MAGI1: variants seen among roughly 807,000 people sequenced by gnomAD.
The protein encoded by MAGI1 is membrane-associated guanylate kinase, WW and PDZ domain-containing protein 1.
MAGI1 carries 58 observed loss-of-function variants against 139.9 expected under a neutral mutation model. That is an observed-to-expected ratio of 0.41 (90% confidence interval 0.34 to 0.52). The LOEUF is 0.52. Among genes scored for constraint, MAGI1 ranks in the 20% least tolerant of loss-of-function variants. MAGI1 has a pLI of 0.12. For synonymous variants in MAGI1, 812 were observed against 737.9 expected (o/e 1.10, Z -1.63); for missense variants, 1,874 against 1,901.6 (o/e 0.99, Z 0.27).
chr3:65,365,230 G>T (rs1575605036), intron 18 of MAGI1: 1 of 606,404 alleles, frequency 1.6e-6, no homozygotes, highest in South Asian at 1.4e-5. Flanking sequence ...TCTAGCCAAG[G>T]TATATGTTTC....
At chr3:65,844,100 G>A in intron 1 of MAGI1, 1 of 510,134 alleles carries the variant, frequency 2.0e-6, no homozygotes, top group East Asian at 5.4e-5. Context: ...TGGTAGGTGT[G>A]TCTGGGCCAA....
At chr3:65,636,703 T>C (rs898048548) in intron 1 of MAGI1, among the ~76,000 whole-genome samples, 3 of 148,468 alleles carry the variant, frequency 2.0e-5, no homozygotes, top group South Asian at 2.1e-4. Context: ...GGAAAACACA[T>C]ACACACACAC....
rs369723754 is a variant in MAGI1, at chr3:65,965,023, G to T, written c.313+72973C>A. 1.6e-4 allele frequency among the ~76,000 whole-genome samples: 24 copies of T among 152,298 alleles called. No homozygotes were observed. The East Asian group carries it at 3.1e-3, about 20-fold the overall frequency. ...CAAGCACATTCGCCAAAGCCCCAAG[G>T]CATAATTAGCCTTGCTCTAAAACTT... is the stretch of plus-strand genomic sequence containing the variant. On this transcript the variant is annotated intron_variant, in intron 1 of 22. Coordinates refer to ENST00000402939, the MANE Select transcript of MAGI1 (RefSeq NM_001033057.2).
intron 1 of MAGI1, among the ~76,000 whole-genome samples, chr3:65,916,376 A>T (rs910725164): frequency 1.1e-4 from 16 of 152,272 alleles, no homozygotes; most frequent in African/African-American, 3.8e-4. Context: ...CCAAGACTGG[A>T]TAATTTATAA....
At chr3:65,891,117 G>A (rs2108572148) in intron 1 of MAGI1, among the ~76,000 whole-genome samples, 1 of 151,994 alleles carries the variant, frequency 6.6e-6, no homozygotes, top group African/African-American at 2.4e-5. Flanking sequence ...GGAGGCTGAG[G>A]TGGGAGGATA....
At chr3:66,037,880 C>T in intron 1 of MAGI1, 116 bp downstream of exon 1, 3 of 1,484,106 alleles carry the variant, frequency 2.0e-6, no homozygotes, top group Non-Finnish European at 2.7e-6. Flanking sequence ...GGGCGCACGG[C>T]CTCAACTTCT....
At chr3:65,794,574 T>C (rs1453373832) in intron 1 of MAGI1, among the ~76,000 whole-genome samples, 1 of 152,034 alleles carries the variant, frequency 6.6e-6, no homozygotes, top group Non-Finnish European at 1.5e-5. Flanking sequence ...CTGGTGTCAA[T>C]GGTGAACCTT....
chr3:65,938,396 CT>C (rs1191406486), intron 1 of MAGI1, among the ~76,000 whole-genome samples: 2 of 149,834 alleles, frequency 1.3e-5, no homozygotes, highest in African/African-American at 2.4e-5. Context: ...AAATAAAGGT[CT>C]TTAAGGACCT....
At chr3:65,548,385 G>A (rs986470775) in intron 2 of MAGI1, among the ~76,000 whole-genome samples, 2 of 152,054 alleles carry the variant, frequency 1.3e-5, no homozygotes, top group Non-Finnish European at 2.9e-5. Flanking sequence ...CCTGCACTGG[G>A]GACCACCAGA....
At chr3:65,749,520 G>A (rs548836470) in intron 1 of MAGI1, among the ~76,000 whole-genome samples, 1 of 152,140 alleles carries the variant, frequency 6.6e-6, no homozygotes, top group East Asian at 1.9e-4. Context: ...GGGACTCAAG[G>A]GGAAAGGATG....
At chr3:65,621,932 C>CAA in intron 2 of MAGI1, 40 bp downstream of exon 2, 1 of 1,423,248 alleles carries the variant, frequency 7.0e-7, no homozygotes, top group Non-Finnish European at 9.9e-7. Context: ...CACACACACA[C>CAA]ACACACACAG....
intron 1 of MAGI1, among the ~76,000 whole-genome samples, chr3:65,891,885 AATATATATATATATAT>A (rs55826911): frequency 0.016 from 583 of 37,534 alleles, 16 homozygotes; most frequent in East Asian, 0.025. Flanking sequence ...CTTAAAGTAT[AATATATATATATATAT>A]ATATATATAT....
intron 2 of MAGI1, among the ~76,000 whole-genome samples, chr3:65,567,906 G>A (rs1442067575): frequency 1.3e-5 from 2 of 152,056 alleles, no homozygotes; most frequent in Admixed American, 6.6e-5. Flanking sequence ...TATCCCACTG[G>A]CATGTTATGT....
At chr3:66,011,994 T>G (rs1165515281) in intron 1 of MAGI1, among the ~76,000 whole-genome samples, 9 of 152,168 alleles carry the variant, frequency 5.9e-5, no homozygotes, top group Non-Finnish European at 1.2e-4. Flanking sequence ...ACCCAACAGA[T>G]GTCCAATACT....
chr3:65,783,159 T>TAAA (rs56958950), intron 1 of MAGI1, among the ~76,000 whole-genome samples: 6 of 150,220 alleles, frequency 4.0e-5, no homozygotes, highest in Non-Finnish European at 8.9e-5. Flanking sequence ...CAGAATGTAT[T>TAAA]AAAAAAAAAC....
At chr3:65,620,972 A>G (rs2083636233) in intron 2 of MAGI1, among the ~76,000 whole-genome samples, 1 of 152,122 alleles carries the variant, frequency 6.6e-6, no homozygotes. Context: ...GAATTAGCTA[A>G]TGTTTATCAG....
chr3:65,888,050 T>C lies in MAGI1; in HGVS notation c.313+149946A>G, dbSNP rs985523082. Among the ~76,000 whole-genome samples the C allele has an allele frequency of 4.6e-5, 7 of 152,324 alleles. 2 individuals carry two copies. The highest frequency in any genetic ancestry group is 1.3e-4 in the Admixed American group (2 of 15,296). ...GAACCTATCACCAAACTAAGATTTT[T>C]TGAGATCAGCAAAACCCAATCTTTA... On this transcript the variant is annotated intron_variant, in intron 1 of 22. Transcript: ENST00000402939.
chr3:65,744,396 G>A (rs1255200342), intron 1 of MAGI1, among the ~76,000 whole-genome samples: 2 of 152,138 alleles, frequency 1.3e-5, no homozygotes, highest in East Asian at 3.9e-4. Flanking sequence ...AGTATAACTG[G>A]CACATAGCAA....
At chr3:65,436,529 A>C (rs889311802) in intron 10 of MAGI1, among the ~76,000 whole-genome samples, 3 of 152,180 alleles carry the variant, frequency 2.0e-5, no homozygotes, top group Admixed American at 2.0e-4. Flanking sequence ...TAAATACCAA[A>C]ACTGCAGCAA....
Sources: allele counts gnomAD v4.1 joint callset (sites outside exome capture counted in the v4.1 genomes callset), GRCh38; gene constraint gnomAD v4.1.1; transcripts MANE v1.5; gene names NCBI Gene and HGNC (gene_info 2026-07-23, HGNC 2026-07-21).